Variants in FANCL observed in about 807,000 individuals in gnomAD.
FANCL encodes FA complementation group L, also known as E3 ubiquitin-protein ligase FANCL.
In FANCL, 69 loss-of-function variants were observed where a neutral mutation model predicts 59.4. The observed-to-expected ratio is 1.16, with a 90% CI of 0.96 to 1.42. The LOEUF (loss-of-function observed/expected upper bound fraction) is 1.42. FANCL is among the 40% of genes most tolerant of loss of function. The pLI is 0.00. For missense variants in FANCL, 519 were observed against 447.2 expected (o/e 1.16, Z -1.45); for synonymous variants, 180 against 147.1 (o/e 1.22, Z -1.62).
At chr2:58,233,719 T>C (rs1157342222) in intron 1 of FANCL, among the ~76,000 whole-genome samples, 3 of 151,772 alleles carry the variant, frequency 2.0e-5, no homozygotes, top group Non-Finnish European at 1.5e-5. Flanking sequence ...GGAGAGAGAC[T>C]GGGAGGACTA....
In FANCL at chr2:58,232,062, C is replaced by A. The variant is rs746766628; in HGVS notation, c.147G>T (p.Lys49Asn). The A allele has an allele frequency of 9.3e-6, 15 of 1,613,140 alleles. No homozygotes were observed. The Admixed American group carries it at 1.2e-4, about 13-fold the overall frequency. Residue 49 changes from lysine to asparagine, a missense_variant, in exon 2 of 14, where the codon AAG becomes AAT. Coordinates refer to ENST00000233741, the MANE Select transcript of FANCL (RefSeq NM_018062.4). ...RIVLPEDLQL[K>N]NARLLCSWQL... ...ACTAAACACCATATCACCTTGCATT[C>A]TTCAGTTGTAAATCTTCAGGCAACA...
intron 6 of FANCL, among the ~76,000 whole-genome samples, chr2:58,202,187 A>C (rs922122745): frequency 6.7e-6 from 1 of 149,766 alleles, no homozygotes; most frequent in African/African-American, 2.5e-5. Flanking sequence ...TTTGAAAGTA[A>C]AAGTTTGACA....
chr2:58,167,462 T>G (rs1686071298), intron 7 of FANCL, among the ~76,000 whole-genome samples: 1 of 152,178 alleles, frequency 6.6e-6, no homozygotes, highest in Non-Finnish European at 1.5e-5. Context: ...AATTACCTAT[T>G]CCTTTGTATA....
chr2:58,172,275 C>G (rs1020816807), intron 7 of FANCL, among the ~76,000 whole-genome samples: 1 of 152,234 alleles, frequency 6.6e-6, no homozygotes, highest in African/African-American at 2.4e-5. Context: ...ACCTGGAGAT[C>G]TGAGAACAGG....
chr2:58,173,618 A>C (rs1301049280), intron 7 of FANCL, among the ~76,000 whole-genome samples: 6 of 152,166 alleles, frequency 3.9e-5, no homozygotes, highest in African/African-American at 7.2e-5. Flanking sequence ...GCCTGCCCGA[A>C]AAGAGCTCCT....
At chr2:58,171,887 C>T (rs756905041) in intron 7 of FANCL, among the ~76,000 whole-genome samples, 2 of 152,192 alleles carry the variant, frequency 1.3e-5, no homozygotes, top group South Asian at 4.1e-4. Flanking sequence ...CCCGGAAAAT[C>T]GGGTCACTCC....
intron 4 of FANCL, among the ~76,000 whole-genome samples, chr2:58,224,044 C>T (rs1692733362): frequency 6.6e-6 from 1 of 151,760 alleles, no homozygotes; most frequent in African/African-American, 2.4e-5. Flanking sequence ...TACAGGATTT[C>T]ATTTTTATTC....
chr2:58,217,157 T>TTA (rs1370121729), intron 5 of FANCL, among the ~76,000 whole-genome samples: 2,117 of 62,916 alleles, frequency 0.034, 106 homozygotes, highest in South Asian at 0.045. Flanking sequence ...ATATATATAT[T>TTA]TATATATTTT....
At chr2:58,194,468 T>C (rs1299197353) in intron 7 of FANCL, among the ~76,000 whole-genome samples, 1 of 152,210 alleles carries the variant, frequency 6.6e-6, no homozygotes, top group Non-Finnish European at 1.5e-5. Context: ...GTTCTCATCG[T>C]CTATGCTAAA....
chr2:58,159,569 C>A lies in FANCL; in HGVS notation c.*196G>T. On this transcript the variant is annotated 3_prime_UTR_variant, in exon 14 of 14. Coordinates refer to ENST00000233741, the MANE Select transcript of FANCL (RefSeq NM_018062.4). ...GGGATCACAGACTTAGAAAGTTCAA[C>A]TGGACTTTGGCCTACAATTTCCCAG... 1 of 1,613,810 alleles carries A rather than the reference C, an allele frequency of 6.2e-7. No homozygotes were observed. Among genetic ancestry groups the A allele is most frequent in the Non-Finnish European group, 8.5e-7 (1 of 1,179,782 alleles).
At chr2:58,163,120 T>G in intron 9 of FANCL, 46 bp from the exon 10 acceptor site, 1 of 1,514,266 alleles carries the variant, frequency 6.6e-7, no homozygotes, top group Non-Finnish European at 9.1e-7. Context: ...GCTCTACTCT[T>G]GGTTTCTAAA....
In FANCL at chr2:58,199,028, C is replaced by CAA. The variant is rs772182737; in HGVS notation, c.472-368_472-367dup. On this transcript the variant is annotated intron_variant, in intron 6 of 13. Coordinates refer to ENST00000233741, the MANE Select transcript of FANCL (RefSeq NM_018062.4). Reference sequence around the variant, plus strand: ...TGGGCGACAGAGTGAATCTCCATCTCAAAAAAAAAAAAAAAAAGAAAAACG... The same window carrying CAA: ...TGGGCGACAGAGTGAATCTCCATCTCAAAAAAAAAAAAAAAAAAAGAAAAACG... Among the ~76,000 whole-genome samples the CAA allele has an allele frequency of 3.1e-3, 189 of 61,168 alleles. 2 individuals are homozygous for CAA. The highest frequency in any genetic ancestry group is 9.9e-3 in the African/African-American group (178 of 17,892). 40.1% of individuals were successfully genotyped at this position (61,168 alleles called of 152,430 possible).
rs1430934039 is a variant in FANCL at position 58,159,618 on chromosome 2, C to A, written c.*147G>T. On this transcript the variant is annotated 3_prime_UTR_variant, in exon 14 of 14. Coordinates refer to ENST00000233741, the MANE Select transcript of FANCL (RefSeq NM_018062.4). Reference sequence around the variant, plus strand: ...AGTTTACTCTTAGTGAAGAGACAAACGCAGATGTTTATTATTATCGCATCA... The same window carrying A: ...AGTTTACTCTTAGTGAAGAGACAAAAGCAGATGTTTATTATTATCGCATCA... 1 of 1,613,776 alleles carries A rather than the reference C, an allele frequency of 6.2e-7. No individual in the cohort carries two copies. The highest frequency in any genetic ancestry group is 1.3e-5 in the African/African-American group (1 of 75,016).
chr2:58,162,828 A>G, intron 11 of FANCL, 38 bp downstream of exon 11: 1 of 1,537,726 alleles, frequency 6.5e-7, no homozygotes, highest in Non-Finnish European at 9.0e-7. Flanking sequence ...TTCATTATGC[A>G]ATACTGTCTG....
chr2:58,226,694 T>C (rs770550674), intron 4 of FANCL, 34 bp downstream of exon 4: 3 of 1,510,158 alleles, frequency 2.0e-6, no homozygotes, highest in Admixed American at 1.7e-5. Flanking sequence ...ACTTGCAGTA[T>C]GGTAACAGTG....
At chr2:58,208,092 T>A (rs915210821) in intron 5 of FANCL, among the ~76,000 whole-genome samples, 2 of 152,128 alleles carry the variant, frequency 1.3e-5, no homozygotes, top group African/African-American at 4.8e-5. Flanking sequence ...AAGTTGGACG[T>A]CTCACTTTAG....
At chr2:58,163,860 A>G (rs549212813) in intron 8 of FANCL, among the ~76,000 whole-genome samples, 1 of 152,122 alleles carries the variant, frequency 6.6e-6, no homozygotes, top group African/African-American at 2.4e-5. Flanking sequence ...TGTTTAAGAA[A>G]TAACTATCTA....
chr2:58,163,520 A>T lies in FANCL; in HGVS notation c.692-3T>A, dbSNP rs1685522415. 2.6e-6 allele frequency: 4 copies of T among 1,556,488 alleles called. No homozygotes were observed. In the East Asian group the frequency reaches 9.0e-5, roughly 35 times the overall value. On this transcript the variant is annotated splice_region_variant and splice_polypyrimidine_tract_variant and intron_variant, in intron 8 of 13. Transcript: ENST00000233741. ...TATATTTATGGAAACATTATTACCTAGAATGAAACAAGATTAAATCTTTTA... is the reference window on the plus strand; with the variant it reads ...TATATTTATGGAAACATTATTACCTTGAATGAAACAAGATTAAATCTTTTA...
At position 58,159,375 on chromosome 2, in the gene FANCL, T is replaced by C. The variant is rs878958320; in HGVS notation, c.*390A>G. The C allele has an allele frequency of 3.7e-6, 6 of 1,610,310 alleles. No individual in the cohort carries two copies. Among genetic ancestry groups the C allele is most frequent in the African/African-American group, 2.7e-5 (2 of 74,654 alleles). ...AAAGCACAAGGAGAAGACAGAAATA[T>C]CAAGAGTCTCAAGAACCTTTGAATG... On this transcript the variant is annotated 3_prime_UTR_variant, in exon 14 of 14. Coordinates refer to ENST00000233741, the MANE Select transcript of FANCL (RefSeq NM_018062.4).
Sources: allele counts gnomAD v4.1 joint callset (sites outside exome capture counted in the v4.1 genomes callset), GRCh38; gene constraint gnomAD v4.1.1; transcripts MANE v1.5; gene names NCBI Gene and HGNC (gene_info 2026-07-23, HGNC 2026-07-21).